DIP2B: variants seen among roughly 807,000 people sequenced by gnomAD.
The protein encoded by DIP2B is disco-interacting protein 2 homolog B.
DIP2B carries 76 observed loss-of-function variants against 198.0 expected under a neutral mutation model. The observed-to-expected ratio is 0.38, with a 90% CI of 0.32 to 0.46. DIP2B has a LOEUF of 0.46. Ranked by LOEUF, DIP2B falls within the 20% of genes least tolerant of loss-of-function variation. The pLI is 0.99. For missense variants in DIP2B, 1,559 were observed against 1,978.4 expected (o/e 0.79, Z 4.02); for synonymous variants, 701 against 739.1 (o/e 0.95, Z 0.84).
In DIP2B at chr12:50,600,133, G is replaced by A. The variant is rs145796798; in HGVS notation, c.101-25843G>A. ...AGTAATTAACTTTTACTCATTCAGA[G>A]TAGGAGACAAGTAAATTCAAGAATC... is the stretch of plus-strand genomic sequence containing the variant. On this transcript the variant is annotated intron_variant, in intron 1 of 37. Coordinates refer to ENST00000301180, the MANE Select transcript of DIP2B (RefSeq NM_173602.3). Among the ~76,000 whole-genome samples, 436 of 152,304 alleles carry A rather than the reference G, an allele frequency of 2.9e-3. 2 individuals carry two copies. Among genetic ancestry groups the A allele is most frequent in the African/African-American group, 9.6e-3 (401 of 41,556 alleles).
Position 50,674,344 on chromosome 12 carries a change from ATGT to A in DIP2B, c.641-125_641-123del, listed in dbSNP as rs930217697. On this transcript the variant is annotated intron_variant, in intron 5 of 37. Transcript: ENST00000301180. Reference sequence around the variant, plus strand: ...CTTGCTAATAGATTCTGATTTTTAAATGTTGTTTTACAAGAGCCAGTGCCCCCA... The same window carrying A: ...CTTGCTAATAGATTCTGATTTTTAAATGTTTTACAAGAGCCAGTGCCCCCA... 19 of 923,370 alleles carry A rather than the reference ATGT, an allele frequency of 2.1e-5. No homozygotes were observed. In the African/African-American group the frequency reaches 2.5e-4, roughly 12 times the overall value. 57.2% of individuals were successfully genotyped at this position (923,370 alleles called of 1,614,324 possible).
intron 1 of DIP2B, among the ~76,000 whole-genome samples, chr12:50,624,760 A>G (rs982773220): frequency 6.6e-6 from 1 of 152,164 alleles, no homozygotes; most frequent in East Asian, 1.9e-4. Flanking sequence ...GTAGCACTGG[A>G]CCAACATCTA....
In DIP2B at chr12:50,690,248, G is replaced by A. The variant is rs574940988; in HGVS notation, c.1552-801G>A. The stretch of plus-strand genomic sequence containing the variant: ...ACTACAGGCGCCCGCCACTACGCCC[G>A]GCTAATTTTTTGTATTTTTAGTAGA... On this transcript the variant is annotated intron_variant, in intron 12 of 37. Transcript: ENST00000301180. 7.9e-5 allele frequency among the ~76,000 whole-genome samples: 12 copies of A among 152,126 alleles called. No homozygotes were observed. The East Asian group carries it at 1.5e-3, about 20-fold the overall frequency.
At chr12:50,675,603 C>T (rs1282364854) in intron 7 of DIP2B, among the ~76,000 whole-genome samples, 155 bp downstream of exon 7, 1 of 151,972 alleles carries the variant, frequency 6.6e-6, no homozygotes, top group Non-Finnish European at 1.5e-5. Context: ...TAATGATTAT[C>T]TGTATTTTAG....
intron 20 of DIP2B, among the ~76,000 whole-genome samples, chr12:50,706,078 A>T (rs1447897740): frequency 6.6e-6 from 1 of 152,164 alleles, no homozygotes; most frequent in Non-Finnish European, 1.5e-5. Context: ...ATACTGCCGG[A>T]TGGAAACAGC....
chr12:50,745,160 C>T lies in DIP2B; in HGVS notation c.*321C>T, dbSNP rs2139614127. On this transcript the variant is annotated 3_prime_UTR_variant, in exon 38 of 38. Transcript: ENST00000301180. ...TTATCTAATGCCATTTTAGAATTTTCTAAGGGAATTTAATGAATTCACATG... is the reference window on the plus strand; with the variant it reads ...TTATCTAATGCCATTTTAGAATTTTTTAAGGGAATTTAATGAATTCACATG... 1 of 306,180 alleles carries T rather than the reference C, an allele frequency of 3.3e-6. No individual in the cohort carries two copies. The highest frequency in any genetic ancestry group is 2.1e-5 in the African/African-American group (1 of 46,526). The allele number at this position is 306,180 out of a possible 1,614,324, so 19.0% of individuals were successfully genotyped here. A position where few individuals can be genotyped will look rare whatever the true frequency, so the allele number is the denominator to read the frequency against.
In DIP2B at chr12:50,698,282, C is replaced by T. The variant is rs780633234; in HGVS notation, c.2049-46C>T. 9 of 1,575,312 alleles carry T rather than the reference C, an allele frequency of 5.7e-6. No homozygotes were observed. The East Asian group carries it at 1.4e-4, about 24-fold the overall frequency. On this transcript the variant is annotated intron_variant, in intron 17 of 37. Transcript: ENST00000301180. ...TCTTCCTATGTATTTGTATTTTTCCCTTGATGTTATTTCATTCACCAAACT... is the reference window on the plus strand; with the variant it reads ...TCTTCCTATGTATTTGTATTTTTCCTTTGATGTTATTTCATTCACCAAACT...
chr12:50,652,066 GCT>G (rs2139501520), intron 3 of DIP2B, among the ~76,000 whole-genome samples: 1 of 152,062 alleles, frequency 6.6e-6, no homozygotes, highest in African/African-American at 2.4e-5. Context: ...TGTAATCCCG[GCT>G]GTTTGGAAGG....
chr12:50,732,246 C>A, intron 31 of DIP2B, 120 bp from the exon 32 acceptor site: 1 of 1,072,648 alleles, frequency 9.3e-7, no homozygotes, highest in Non-Finnish European at 1.3e-6. Flanking sequence ...CTCTGTGTGC[C>A]TGAGGTGAGA....
At chr12:50,669,841 G>A (rs941877295) in intron 4 of DIP2B, among the ~76,000 whole-genome samples, 2 of 152,128 alleles carry the variant, frequency 1.3e-5, no homozygotes, top group African/African-American at 4.8e-5. Flanking sequence ...AGCCCCATTG[G>A]TTATGTATTT....
chr12:50,637,920 C>T (rs1938187583), intron 2 of DIP2B, among the ~76,000 whole-genome samples: 1 of 152,204 alleles, frequency 6.6e-6, no homozygotes, highest in African/African-American at 2.4e-5. Flanking sequence ...ACAATAGAAA[C>T]ATATTAGACT....
intron 1 of DIP2B, among the ~76,000 whole-genome samples, chr12:50,553,091 C>G (rs1958441275): frequency 6.6e-6 from 1 of 152,222 alleles, no homozygotes. Flanking sequence ...CCACCTCGGC[C>G]TCCCAAAGTG....
chr12:50,692,070 A>AAT lies in DIP2B; in HGVS notation c.1655-865_1655-864dup, dbSNP rs904811313. 1.2e-3 allele frequency among the ~76,000 whole-genome samples: 181 copies of AAT among 151,114 alleles called. 1 individual carries two copies. In the East Asian group the frequency reaches 0.021, roughly 17 times the overall value. On this transcript the variant is annotated intron_variant, in intron 13 of 37. Coordinates refer to ENST00000301180, the MANE Select transcript of DIP2B (RefSeq NM_173602.3). Reference sequence around the variant, plus strand: ...ACAGAGCAAGACTCTGTCTCAAAAAAATATATATATATATAATACATTCAT... The same window carrying AAT: ...ACAGAGCAAGACTCTGTCTCAAAAAAATATATATATATATATAATACATTCAT...
chr12:50,743,545 T>A (rs1378441988), intron 37 of DIP2B: 1 of 152,148 alleles, frequency 6.6e-6, no homozygotes, highest in Non-Finnish European at 1.5e-5. Flanking sequence ...ACTCTTCCTG[T>A]TGGGTTTAAG....
chr12:50,634,046 G>A (rs894414017), intron 2 of DIP2B, among the ~76,000 whole-genome samples: 2 of 152,218 alleles, frequency 1.3e-5, no homozygotes, highest in African/African-American at 2.4e-5. Flanking sequence ...ATGAAGATAC[G>A]GCAGATTCAC....
rs1448019780 is a variant in DIP2B, at chr12:50,537,189, G to C, written c.100+31949G>C. On this transcript the variant is annotated intron_variant, in intron 1 of 37. Transcript: ENST00000301180. The stretch of plus-strand genomic sequence containing the variant: ...TTTCCCAGGCTGGTCTTGAATTCCT[G>C]AGCTCAAGCGATCCACCTGCCTTGG... Among the ~76,000 whole-genome samples the C allele has an allele frequency of 3.3e-5, 4 of 120,150 alleles. No homozygotes were observed. In the East Asian group the frequency reaches 8.4e-4, roughly 25 times the overall value. 78.8% of individuals were successfully genotyped at this position (120,150 alleles called of 152,430 possible).
chr12:50,540,053 G>GGTT (rs1958306278), intron 1 of DIP2B, among the ~76,000 whole-genome samples: 1 of 44,142 alleles, frequency 2.3e-5, no homozygotes, highest in South Asian at 8.6e-4. Flanking sequence ...TTGTTTCTGT[G>GGTT]TTTTTTTTTT....
intron 1 of DIP2B, among the ~76,000 whole-genome samples, chr12:50,599,000 A>C (rs1314903952): frequency 7.0e-6 from 1 of 142,046 alleles, no homozygotes; most frequent in Non-Finnish European, 1.5e-5. Context: ...AAAAAAAAAA[A>C]AACTCTTGGC....
chr12:50,505,293 T>C lies in DIP2B; in HGVS notation c.100+53T>C, dbSNP rs201512081. 2.0e-5 allele frequency: 28 copies of C among 1,383,954 alleles called. No individual in the cohort carries two copies. The East Asian group carries it at 6.6e-4, about 33-fold the overall frequency. The allele number at this position is 1,383,954 out of a possible 1,614,324, so 85.7% of individuals were successfully genotyped here. A position where few individuals can be genotyped will look rare whatever the true frequency, so the allele number is the denominator to read the frequency against. Reference sequence around the variant, plus strand: ...CCGGGGCCCTGCGGATCGCGGCGACTTGGGAGACAGGTCCCCGCCGCGCGC... The same window carrying C: ...CCGGGGCCCTGCGGATCGCGGCGACCTGGGAGACAGGTCCCCGCCGCGCGC... On this transcript the variant is annotated intron_variant, in intron 1 of 37. Transcript: ENST00000301180.
Sources: allele counts gnomAD v4.1 joint callset (sites outside exome capture counted in the v4.1 genomes callset), GRCh38; gene constraint gnomAD v4.1.1; transcripts MANE v1.5; gene names NCBI Gene and HGNC (gene_info 2026-07-23, HGNC 2026-07-21).